Variants in CR1L observed in about 807,000 individuals in gnomAD.
The protein encoded by CR1L is complement C3b/C4b receptor 1 like.
In CR1L, 59 loss-of-function variants were observed where a neutral mutation model predicts 62.3. The observed-to-expected ratio is 0.95, with a 90% CI of 0.77 to 1.18. CR1L has a LOEUF of 1.18. CR1L is among the 50% of genes most tolerant of loss of function. The probability of loss-of-function intolerance (pLI) is 0.00; values close to 1 mark genes in which losing one functional copy is unlikely to be tolerated. For synonymous variants in CR1L, 279 were observed against 248.7 expected (o/e 1.12, Z -1.15); for missense variants, 700 against 702.8 (o/e 1.00, Z 0.04).
chr1:207,661,076 A>G (rs1663412144), intron 1 of CR1L, among the ~76,000 whole-genome samples: 1 of 152,182 alleles, frequency 6.6e-6, no homozygotes, highest in Non-Finnish European at 1.5e-5. Flanking sequence ...TATGTGGTCA[A>G]TTTTGGAATA....
At chr1:207,723,583 G>C (rs1353154900) in intron 11 of CR1L, 35 bp from the exon 12 acceptor site, 19 of 1,517,978 alleles carry the variant, frequency 1.3e-5, no homozygotes, top group Non-Finnish European at 1.7e-5. Context: ...TTGCATGCCA[G>C]AGTGATGTTT....
At chr1:207,707,932 G>T (rs1188347292) in intron 9 of CR1L, among the ~76,000 whole-genome samples, 9 of 152,150 alleles carry the variant, frequency 5.9e-5, no homozygotes, top group Non-Finnish European at 1.2e-4. Context: ...TTTGGTGCCA[G>T]GTACAGTCCA....
At chr1:207,691,347 T>C (rs1663994385) in intron 4 of CR1L, among the ~76,000 whole-genome samples, 1 of 151,940 alleles carries the variant, frequency 6.6e-6, no homozygotes, top group South Asian at 2.1e-4. Context: ...ATATTTCAAA[T>C]CTTTTACTTT....
chr1:207,701,885 GCA>G (rs1664198669), intron 9 of CR1L, among the ~76,000 whole-genome samples: 1 of 152,152 alleles, frequency 6.6e-6, no homozygotes, highest in Non-Finnish European at 1.5e-5. Context: ...AGTAGTCAAA[GCA>G]CACAAACAAC....
chr1:207,645,181 T>C lies in CR1L; in HGVS notation c.-53T>C, dbSNP rs879864090. 1.7e-4 allele frequency: 272 copies of C among 1,586,782 alleles called. No homozygotes were observed. The highest frequency in any genetic ancestry group is 2.1e-4 in the Non-Finnish European group (248 of 1,159,574). ...GAAGGGACTTCCCTGCTCGGCTGGC[T>C]TTCGGTTTCTCTGCTCACCTCCGGA... On this transcript the variant is annotated 5_prime_UTR_variant, in exon 1 of 12. Transcript: ENST00000508064.
chr1:207,648,810 C>A (rs776705148), intron 1 of CR1L, among the ~76,000 whole-genome samples: 3 of 152,208 alleles, frequency 2.0e-5, no homozygotes, highest in Non-Finnish European at 4.4e-5. Context: ...TGGTCACCTG[C>A]CAGGATACCA....
intron 8 of CR1L, among the ~76,000 whole-genome samples, chr1:207,699,601 T>C (rs1284162670): frequency 2.0e-5 from 3 of 152,232 alleles, no homozygotes; most frequent in Admixed American, 2.0e-4. Context: ...TCTTCTTTCC[T>C]TCCTTCAGTT....
chr1:207,658,221 C>G (rs1286833508), intron 1 of CR1L, among the ~76,000 whole-genome samples: 1 of 149,254 alleles, frequency 6.7e-6, no homozygotes, highest in Non-Finnish European at 1.5e-5. Flanking sequence ...CCTTAAGAAA[C>G]TAAAAAAGAA....
At chr1:207,660,295 G>A (rs1291092635) in intron 1 of CR1L, among the ~76,000 whole-genome samples, 2 of 152,200 alleles carry the variant, frequency 1.3e-5, no homozygotes, top group South Asian at 2.1e-4. Flanking sequence ...CCTCACACAG[G>A]TGGGTGCCCC....
At chr1:207,700,700 C>T (rs1486615153) in intron 8 of CR1L, among the ~76,000 whole-genome samples, 5 of 151,908 alleles carry the variant, frequency 3.3e-5, no homozygotes, top group African/African-American at 1.2e-4. Context: ...AAAGTTTTCA[C>T]CTATTTAAGA....
rs116351046 is a variant in CR1L, at chr1:207,697,349, C to T, written c.863-154C>T. On this transcript the variant is annotated intron_variant, in intron 5 of 11. Coordinates refer to ENST00000508064, the MANE Select transcript of CR1L (RefSeq NM_175710.2). The stretch of plus-strand genomic sequence containing the variant: ...GAGTGATGGCAAGACATCTTCCTCG[C>T]CCTGTGTATTTAGTTTGTTATCAAT... Among the ~76,000 whole-genome samples, 409 of 152,308 alleles carry T rather than the reference C, an allele frequency of 2.7e-3. 3 individuals carry two copies. The highest frequency in any genetic ancestry group is 9.6e-3 in the African/African-American group (401 of 41,560).
intron 4 of CR1L, among the ~76,000 whole-genome samples, chr1:207,687,759 T>C (rs1184367857): frequency 6.6e-6 from 1 of 152,216 alleles, no homozygotes; most frequent in African/African-American, 2.4e-5. Context: ...CAAACTTTTG[T>C]CTGTTATTTA....
rs1663711448 is a variant in CR1L, at chr1:207,677,373, T to C, written c.98-16T>C. 1 of 1,536,330 alleles carries C rather than the reference T, an allele frequency of 6.5e-7. No homozygotes were observed. The highest frequency in any genetic ancestry group is 1.3e-5 in the South Asian group (1 of 78,862). ...TTCTCCATTAACTTCGATGCTGCTGTGGTCTTGATCCCCAGATCAATGCAA... is the reference window on the plus strand; with the variant it reads ...TTCTCCATTAACTTCGATGCTGCTGCGGTCTTGATCCCCAGATCAATGCAA... On this transcript the variant is annotated splice_polypyrimidine_tract_variant and intron_variant, in intron 1 of 11. Coordinates refer to ENST00000508064, the MANE Select transcript of CR1L (RefSeq NM_175710.2).
intron 4 of CR1L, among the ~76,000 whole-genome samples, chr1:207,690,978 C>T (rs1357752065): frequency 6.6e-6 from 1 of 152,150 alleles, no homozygotes; most frequent in Admixed American, 6.5e-5. Flanking sequence ...TACAAAGACT[C>T]TCCAAACTGG....
chr1:207,719,262 A>T (rs868309572), intron 11 of CR1L, among the ~76,000 whole-genome samples: 1,973 of 12,106 alleles, frequency 0.16, 14 homozygotes, highest in Middle Eastern at 0.43. Context: ...GTATAATTTA[A>T]AAAAAAAAAA....
At chr1:207,652,903 T>A (rs1663244328) in intron 1 of CR1L, among the ~76,000 whole-genome samples, 1 of 152,082 alleles carries the variant, frequency 6.6e-6, no homozygotes, top group African/African-American at 2.4e-5. Flanking sequence ...CTCCAAGAAA[T>A]CTTTTTCTTG....
In CR1L at chr1:207,717,595, C is replaced by T; in HGVS notation, c.1546C>T (p.Leu516Phe). ...PHPDRGMTFN[L>F]IGESTIRRTS... is the part of the protein sequence containing the mutation. Reference sequence around the variant, plus strand: ...CCCAGACAGAGGGATGACCTTCAACCTCATTGGGGAGAGCACCATCCGCCG... The same window carrying T: ...CCCAGACAGAGGGATGACCTTCAACTTCATTGGGGAGAGCACCATCCGCCG... Residue 516 changes from leucine (L) to phenylalanine (F), a missense_variant, in exon 11 of 12, where the codon CTC becomes TTC. Coordinates refer to ENST00000508064, the MANE Select transcript of CR1L (RefSeq NM_175710.2). The T allele has an allele frequency of 6.2e-7, 1 of 1,613,972 alleles. No individual in the cohort carries two copies. The highest frequency in any genetic ancestry group is 8.5e-7 in the Non-Finnish European group (1 of 1,179,884).
chr1:207,687,681 T>C (rs1337372715), intron 4 of CR1L, among the ~76,000 whole-genome samples: 3 of 152,226 alleles, frequency 2.0e-5, no homozygotes, highest in Non-Finnish European at 2.9e-5. Context: ...GGTCAGTTTT[T>C]TTATTATTAT....
intron 10 of CR1L, among the ~76,000 whole-genome samples, chr1:207,714,314 G>A (rs780363573): frequency 1.2e-4 from 19 of 152,192 alleles, no homozygotes; most frequent in Non-Finnish European, 2.4e-4. Context: ...GGGCACAACA[G>A]TGCAAAAAAC....
Sources: gnomAD v4.1 joint callset for allele counts (sites outside exome capture counted in the v4.1 genomes callset) on GRCh38, gnomAD v4.1.1 for gene constraint, MANE v1.5 for transcripts, NCBI Gene and HGNC (gene_info 2026-07-23, HGNC 2026-07-21) for gene names.